The following SYNDIG1 variants were observed in gnomAD, a reference collection of about 807,000 sequenced individuals.
The protein encoded by SYNDIG1 is synapse differentiation-inducing gene protein 1.
A neutral mutation model predicts 19.4 loss-of-function variants in SYNDIG1; 9 were observed. That is an observed-to-expected ratio of 0.46 (90% CI 0.28 to 0.81). The LOEUF is 0.81. SYNDIG1 is among the 30% of genes least tolerant of loss of function. The pLI is 0.12. For missense variants in SYNDIG1, 311 were observed against 343.3 expected (o/e 0.91, Z 0.74); for synonymous variants, 141 against 145.9 (o/e 0.97, Z 0.24).
intron 2 of SYNDIG1, among the ~76,000 whole-genome samples, chr20:24,579,405 G>C (rs1444741107): frequency 6.6e-6 from 1 of 152,210 alleles, no homozygotes; most frequent in Non-Finnish European, 1.5e-5. Flanking sequence ...GTTGGATGCA[G>C]CCTTTATTGA....
intron 3 of SYNDIG1, among the ~76,000 whole-genome samples, chr20:24,647,916 G>C (rs1379543127): frequency 6.6e-6 from 1 of 151,976 alleles, no homozygotes; most frequent in African/African-American, 2.4e-5. Context: ...GGGCATCTGA[G>C]ATCAGGGTAC....
intron 2 of SYNDIG1, among the ~76,000 whole-genome samples, chr20:24,558,622 T>C (rs2057874433): frequency 6.6e-6 from 1 of 152,250 alleles, no homozygotes; most frequent in Non-Finnish European, 1.5e-5. Flanking sequence ...TACTTCTTCT[T>C]ACTTCTGTTT....
intron 2 of SYNDIG1, 74 bp from the exon 3 acceptor site, chr20:24,584,782 C>T (rs2058386154): frequency 1.9e-6 from 3 of 1,601,642 alleles, no homozygotes; most frequent in South Asian, 1.1e-5. Flanking sequence ...GGTCATCCCA[C>T]ATCCCTGGAC....
intron 3 of SYNDIG1, among the ~76,000 whole-genome samples, chr20:24,598,536 C>G (rs989835479): frequency 1.3e-5 from 2 of 152,234 alleles, no homozygotes; most frequent in African/African-American, 4.8e-5. Context: ...TATTCAGGAT[C>G]ACACAGCAGG....
At chr20:24,475,659 C>T (rs184001369) in intron 1 of SYNDIG1, among the ~76,000 whole-genome samples, 92 of 152,288 alleles carry the variant, frequency 6.0e-4, no homozygotes, top group African/African-American at 2.1e-3. Flanking sequence ...CATGGAAACC[C>T]TGTATTTGTG....
At chr20:24,652,107 A>G (rs2059479595) in intron 3 of SYNDIG1, among the ~76,000 whole-genome samples, 1 of 152,260 alleles carries the variant, frequency 6.6e-6, no homozygotes, top group African/African-American at 2.4e-5. Context: ...TACCAGCAGT[A>G]GATAATTAGA....
chr20:24,519,823 G>A (rs112035105), intron 1 of SYNDIG1, among the ~76,000 whole-genome samples: 5 of 150,526 alleles, frequency 3.3e-5, no homozygotes, highest in Admixed American at 2.7e-4. Context: ...ACAGACACAC[G>A]CACGCACGCG....
At chr20:24,549,245 T>G (rs570101420) in intron 2 of SYNDIG1, among the ~76,000 whole-genome samples, 1 of 152,204 alleles carries the variant, frequency 6.6e-6, no homozygotes, top group Non-Finnish European at 1.5e-5. Context: ...CACTCTCTAC[T>G]ATTCTTCCTT....
rs111873948 is a variant in SYNDIG1 at position 24,652,263 on chromosome 20, G to A, written c.619-13083G>A. Among the ~76,000 whole-genome samples, 5 of 152,336 alleles carry A rather than the reference G, an allele frequency of 3.3e-5. 1 individual carries two copies. Among genetic ancestry groups the A allele is most frequent in the African/African-American group, 9.6e-5 (4 of 41,566 alleles). ...CAAGCTGAGGCTCCCCCCAGCAAGT[G>A]AGATGCAAGGTGAGGCCAAAGACAC... On this transcript the variant is annotated intron_variant, in intron 3 of 3. Coordinates refer to ENST00000376862, the MANE Select transcript of SYNDIG1 (RefSeq NM_024893.3).
intron 1 of SYNDIG1, among the ~76,000 whole-genome samples, chr20:24,490,626 C>T (rs1387592575): frequency 6.6e-6 from 1 of 152,136 alleles, no homozygotes; most frequent in Non-Finnish European, 1.5e-5. Flanking sequence ...GTCGTCGGGG[C>T]AATTACCTGG....
intron 2 of SYNDIG1, among the ~76,000 whole-genome samples, chr20:24,568,751 A>G (rs1334961755): frequency 6.6e-6 from 1 of 152,236 alleles, no homozygotes; most frequent in African/African-American, 2.4e-5. Flanking sequence ...AGAGGTAGTC[A>G]CAGCATTTGA....
At chr20:24,657,289 C>T (rs1187805262) in intron 3 of SYNDIG1, among the ~76,000 whole-genome samples, 2 of 152,164 alleles carry the variant, frequency 1.3e-5, no homozygotes. Flanking sequence ...TGTATGTTTA[C>T]GATGTTGTTA....
chr20:24,514,287 A>G (rs957355084), intron 1 of SYNDIG1, among the ~76,000 whole-genome samples: 14 of 152,356 alleles, frequency 9.2e-5, no homozygotes, highest in African/African-American at 3.4e-4. Flanking sequence ...TTAACCTTAA[A>G]TGTAAATGGA....
chr20:24,493,462 CACAT>C lies in SYNDIG1; in HGVS notation c.-79+23714_-79+23717del, dbSNP rs201610885. 8.7e-3 allele frequency among the ~76,000 whole-genome samples: 1,332 copies of C among 152,278 alleles called. 21 individuals carry two copies. Among genetic ancestry groups the C allele is most frequent in the African/African-American group, 0.031 (1,268 of 41,542 alleles). On this transcript the variant is annotated intron_variant, in intron 1 of 3. Coordinates refer to ENST00000376862, the MANE Select transcript of SYNDIG1 (RefSeq NM_024893.3). Reference sequence around the variant, plus strand: ...ATACATGGGCATACACAGGTACACACACATACATGGGCACACACACATCCACATG... The same window carrying C: ...ATACATGGGCATACACAGGTACACACACATGGGCACACACACATCCACATG...
chr20:24,574,616 GA>G (rs1219132810), intron 2 of SYNDIG1, among the ~76,000 whole-genome samples: 1 of 152,224 alleles, frequency 6.6e-6, no homozygotes, highest in Non-Finnish European at 1.5e-5. Context: ...TGAACTCAAT[GA>G]AGGAACTTCT....
chr20:24,663,563 G>A (rs1018130093), intron 3 of SYNDIG1, among the ~76,000 whole-genome samples: 13 of 152,180 alleles, frequency 8.5e-5, no homozygotes, highest in African/African-American at 2.9e-4. Context: ...CCAGGCCCCA[G>A]GGAGACCACA....
Position 24,563,032 on chromosome 20 carries a change from G to GAA in SYNDIG1, c.480+19457_480+19458dup, listed in dbSNP as rs1214285525. On this transcript the variant is annotated intron_variant, in intron 2 of 3. Transcript: ENST00000376862. ...TAGTAGTAAAATGTTGATTCTAAATGAAATTGTAGTTTAATAAAGTTGTCC... is the reference window on the plus strand; with the variant it reads ...TAGTAGTAAAATGTTGATTCTAAATGAAAAATTGTAGTTTAATAAAGTTGTCC... Among the ~76,000 whole-genome samples, 9 of 152,288 alleles carry GAA rather than the reference G, an allele frequency of 5.9e-5. No homozygotes were observed. The East Asian group carries it at 7.7e-4, about 13-fold the overall frequency.
intron 1 of SYNDIG1, among the ~76,000 whole-genome samples, chr20:24,508,777 T>G (rs1362017246): frequency 6.6e-6 from 1 of 151,608 alleles, no homozygotes; most frequent in East Asian, 1.9e-4. Flanking sequence ...AAACCATGAG[T>G]GTGCACCAGC....
intron 1 of SYNDIG1, among the ~76,000 whole-genome samples, chr20:24,525,486 G>A (rs2057104583): frequency 6.6e-6 from 1 of 152,016 alleles, no homozygotes; most frequent in Non-Finnish European, 1.5e-5. Flanking sequence ...GTTTCACGAT[G>A]TGGGCCAGGC....
Sources: allele counts gnomAD v4.1 joint callset (sites outside exome capture counted in the v4.1 genomes callset), GRCh38; gene constraint gnomAD v4.1.1; transcripts MANE v1.5; gene names NCBI Gene and HGNC (gene_info 2026-07-23, HGNC 2026-07-21).